Variants in HNRNPF observed in about 807,000 individuals in gnomAD.
HNRNPF encodes heterogeneous nuclear ribonucleoprotein F.
Under a neutral mutation model 26.0 loss-of-function variants are expected in HNRNPF, and 2 were observed. The ratio of observed to expected loss-of-function variants is 0.08; its 90% CI spans 0.03 to 0.24. The LOEUF is 0.24. Ranked by LOEUF, HNRNPF falls within the 10% of genes least tolerant of loss-of-function variation. The pLI is 1.00. For missense variants in HNRNPF, 299 were observed against 539.2 expected, an observed-to-expected ratio of 0.55 and a Z score of 4.41; for synonymous variants, 234 against 211.5, an observed-to-expected ratio of 1.11 and a Z score of -0.92.
chr10:43,404,273 C>A, intron 1 of HNRNPF, among the ~76,000 whole-genome samples: 1 of 147,458 alleles, frequency 6.8e-6, no homozygotes, highest in Admixed American at 6.8e-5. Context: ...TGCACTCCAG[C>A]CTGGGTGACA....
chr10:43,389,128 G>A (rs1287964800), intron 3 of HNRNPF, among the ~76,000 whole-genome samples: 1 of 151,890 alleles, frequency 6.6e-6, no homozygotes, highest in Non-Finnish European at 1.5e-5. Flanking sequence ...CAGCCGCCAC[G>A]CACGGCTAAT....
intron 1 of HNRNPF, among the ~76,000 whole-genome samples, chr10:43,406,146 G>T (rs1437939498): frequency 1.3e-5 from 2 of 152,148 alleles, no homozygotes; most frequent in Non-Finnish European, 1.5e-5. Context: ...TGGTTCTCCC[G>T]AAGAGCAGAG....
intron 3 of HNRNPF, among the ~76,000 whole-genome samples, chr10:43,391,941 C>T (rs1838266229): frequency 6.6e-6 from 1 of 152,266 alleles, no homozygotes; most frequent in Non-Finnish European, 1.5e-5. Flanking sequence ...CCACTCCCCT[C>T]CATTAAAACT....
intron 3 of HNRNPF, among the ~76,000 whole-genome samples, chr10:43,391,588 G>A (rs1389885544): frequency 2.6e-5 from 4 of 152,102 alleles, no homozygotes; most frequent in Non-Finnish European, 5.9e-5. Flanking sequence ...GATGTCTGGG[G>A]CAGCCTTACA....
chr10:43,401,284 T>G (rs1838747304), intron 1 of HNRNPF, among the ~76,000 whole-genome samples: 1 of 152,208 alleles, frequency 6.6e-6, no homozygotes, highest in Non-Finnish European at 1.5e-5. Flanking sequence ...ACTGCTTCCC[T>G]CAGCGTTCAT....
intron 1 of HNRNPF, among the ~76,000 whole-genome samples, chr10:43,397,872 C>T (rs544295795): frequency 6.6e-6 from 1 of 152,190 alleles, no homozygotes; most frequent in East Asian, 1.9e-4. Context: ...GCAGATGATA[C>T]CTGATTTCTT....
chr10:43,407,726 CAGG>C (rs1466980485), intron 1 of HNRNPF: 3 of 152,200 alleles, frequency 2.0e-5, no homozygotes, highest in Non-Finnish European at 2.9e-5. Context: ...CCTCTAGGAG[CAGG>C]AGACCAATAC....
intron 1 of HNRNPF, among the ~76,000 whole-genome samples, chr10:43,400,438 C>A (rs1838716639): frequency 6.6e-6 from 1 of 152,134 alleles, no homozygotes; most frequent in African/African-American, 2.4e-5. Context: ...ATGAGAAGCA[C>A]AAGATGCATC....
At position 43,387,498 on chromosome 10, in the gene HNRNPF, C is replaced by G. The variant is rs769749898; in HGVS notation, c.387G>C (p.Gln129His). The G allele has an allele frequency of 1.9e-6, 3 of 1,614,092 alleles. No individual in the cohort carries two copies. Among genetic ancestry groups the G allele is most frequent in the African/African-American group, 2.7e-5 (2 of 74,924 alleles). Residue 129 changes from glutamine (Q) to histidine (H), a missense_variant, in exon 4 of 4, where the codon CAG becomes CAC. Gln to His is a conservative substitution (Grantham distance 24). This residue lies in a region of HNRNPF where 104 missense variants were observed against 239.0 expected (regional missense o/e 0.44). Transcript: ENST00000682386. This position sits in a 1 kb window ranked among gnomAD's most constrained non-coding sequence, Gnocchi z 6.0. Reference sequence around the variant, plus strand: ...GCACAATTTCCAACCCTGAGAAGAACTGAACAATTTCTTCCTTTGTGCATC... The same window carrying G: ...GCACAATTTCCAACCCTGAGAAGAAGTGAACAATTTCTTCCTTTGTGCATC... ...PFGCTKEEIVQFFSGLEIVPN... is the reference protein window; with the variant it reads ...PFGCTKEEIVHFFSGLEIVPN...
chr10:43,398,917 T>A (rs1320823849), intron 1 of HNRNPF, among the ~76,000 whole-genome samples: 1 of 152,228 alleles, frequency 6.6e-6, no homozygotes, highest in Admixed American at 6.5e-5. Context: ...TATAGTGATG[T>A]AGACTGTGGG....
intron 1 of HNRNPF, chr10:43,397,040 G>A (rs1289047217): frequency 6.6e-6 from 1 of 152,056 alleles, no homozygotes; most frequent in East Asian, 1.9e-4. Context: ...GGGGACCCGC[G>A]GGCCGAGCGC....
chr10:43,405,841 C>T (rs1425780869), intron 1 of HNRNPF, among the ~76,000 whole-genome samples: 1 of 152,098 alleles, frequency 6.6e-6, no homozygotes, highest in Non-Finnish European at 1.5e-5. Context: ...CCAGGGCGGT[C>T]TTGGCTGAGC....
chr10:43,405,137 A>T (rs564554752), intron 1 of HNRNPF, among the ~76,000 whole-genome samples: 1 of 152,338 alleles, frequency 6.6e-6, no homozygotes, highest in East Asian at 1.9e-4. Context: ...GATCATGGAG[A>T]AATGAAAAAG....
At position 43,385,646 on chromosome 10, in the gene HNRNPF, T is replaced by A. The variant is rs1126709; in HGVS notation, c.*991A>T. On this transcript the variant is annotated 3_prime_UTR_variant, in exon 4 of 4. Transcript: ENST00000682386. Reference sequence around the variant, plus strand: ...GTTTAAATCAGCATTTTATAAAAACTAGAAACAAAATAATTGCTTTCACAA... The same window carrying A: ...GTTTAAATCAGCATTTTATAAAAACAAGAAACAAAATAATTGCTTTCACAA... The A allele has an allele frequency of 1.3e-5, 2 of 152,026 alleles. No homozygotes were observed. The highest frequency in any genetic ancestry group is 2.4e-5 in the African/African-American group (1 of 41,390). 9.4% of individuals were successfully genotyped at this position (152,026 alleles called of 1,614,324 possible).
chr10:43,400,138 G>T (rs1838707492), intron 1 of HNRNPF, among the ~76,000 whole-genome samples: 1 of 152,140 alleles, frequency 6.6e-6, no homozygotes, highest in African/African-American at 2.4e-5. Context: ...TTGAGCCCAA[G>T]AGAGTTCGAG....
At chr10:43,396,228 G>A (rs1838505481) in intron 2 of HNRNPF, among the ~76,000 whole-genome samples, 1 of 152,222 alleles carries the variant, frequency 6.6e-6, no homozygotes, top group African/African-American at 2.4e-5. Flanking sequence ...AGTAAACAGG[G>A]CCGTTCAAGC....
intron 3 of HNRNPF, among the ~76,000 whole-genome samples, chr10:43,388,602 G>A (rs1341372907): frequency 6.6e-6 from 1 of 152,228 alleles, no homozygotes; most frequent in Non-Finnish European, 1.5e-5. Flanking sequence ...ACTTAGTTAT[G>A]TGCACTGCAA....
At chr10:43,406,442 C>T (rs1838920490) in intron 1 of HNRNPF, among the ~76,000 whole-genome samples, 1 of 152,126 alleles carries the variant, frequency 6.6e-6, no homozygotes, top group Non-Finnish European at 1.5e-5. Context: ...GCCTGTAATC[C>T]CAGCACTTTG....
intron 1 of HNRNPF, 56 bp downstream of exon 1, chr10:43,409,075 C>G (rs1802268385): frequency 6.5e-6 from 1 of 152,692 alleles, no homozygotes; most frequent in African/African-American, 2.4e-5. Context: ...AGCCCGCGTC[C>G]CCACCCCCTG....
Sources: gnomAD v4.1 joint callset for allele counts (sites outside exome capture counted in the v4.1 genomes callset) on GRCh38, gnomAD v4.1.1 for gene constraint, gnomAD v4.1.1 regional missense constraint, Gnocchi (gnomAD v3.1) non-coding constraint, MANE v1.5 for transcripts, NCBI Gene and HGNC (gene_info 2026-07-23, HGNC 2026-07-21) for gene names.